Variants in KIF26B observed in about 807,000 individuals in gnomAD.
KIF26B encodes the protein kinesin family member 26B.
KIF26B carries 63 observed loss-of-function variants against 151.2 expected under a neutral mutation model. That is an observed-to-expected ratio of 0.42 (90% CI 0.34 to 0.51). The LOEUF (loss-of-function observed/expected upper bound fraction) is 0.51. KIF26B is among the 20% of genes least tolerant of loss of function. The pLI is 0.07. For synonymous variants in KIF26B, 1,357 were observed against 1,262.1 expected (o/e 1.08, Z -1.59); for missense variants, 2,813 against 2,913.6 (o/e 0.97, Z 0.79).
At chr1:245,474,818 C>T (rs1256902433) in intron 4 of KIF26B, among the ~76,000 whole-genome samples, 1 of 151,846 alleles carries the variant, frequency 6.6e-6, no homozygotes, top group Admixed American at 6.6e-5. Flanking sequence ...CTGGTAACCA[C>T]CCATCTACTC....
chr1:245,223,658 T>C (rs1161203068), intron 2 of KIF26B, among the ~76,000 whole-genome samples: 1 of 152,240 alleles, frequency 6.6e-6, no homozygotes, highest in African/African-American at 2.4e-5. Context: ...CTGAGACTTC[T>C]TTCACTCCAT....
chr1:245,702,535 A>C lies in KIF26B; in HGVS notation c.6256A>C (p.Ser2086Arg). ...ALECVTERLESRVNFCKAHLM... is the reference protein window; with the variant it reads ...ALECVTERLERRVNFCKAHLM... ...GGAGTGTGTGACGGAGCGCCTGGAG[A>C]GCCGTGTCAACTTCTGCAAGGCCCA... Residue 2086 changes from serine (S) to arginine (R), a missense_variant, in exon 15 of 15, where the codon AGC becomes CGC. Around this residue, in one of 3 missense-constraint regions of KIF26B, gnomAD observed 2,060 missense variants for 2,088.6 expected, o/e 0.99. Transcript: ENST00000407071. This position sits in a 1 kb window ranked among gnomAD's most constrained non-coding sequence, Gnocchi z 4.1. 3 of 1,613,822 alleles carry C rather than the reference A, an allele frequency of 1.9e-6. No individual in the cohort carries two copies. The highest frequency in any genetic ancestry group is 2.5e-6 in the Non-Finnish European group (3 of 1,179,856).
intron 4 of KIF26B, among the ~76,000 whole-genome samples, chr1:245,438,461 A>G (rs968287409): frequency 6.6e-6 from 1 of 152,234 alleles, no homozygotes; most frequent in Non-Finnish European, 1.5e-5. Context: ...TGATTTTTAG[A>G]GAACCTTGAA....
At chr1:245,213,004 C>T (rs931705961) in intron 2 of KIF26B, among the ~76,000 whole-genome samples, 1 of 152,188 alleles carries the variant, frequency 6.6e-6, no homozygotes, top group African/African-American at 2.4e-5. Context: ...CATTTCTAGG[C>T]CTGTTGACCA....
chr1:245,458,957 A>ACTTGCATCAATGTTTGG (rs753780728), intron 4 of KIF26B, among the ~76,000 whole-genome samples: 104 of 152,236 alleles, frequency 6.8e-4, no homozygotes, highest in Non-Finnish European at 1.4e-3. Flanking sequence ...TGGGGTTATT[A>ACTTGCATCAATGTTTGG]CTTGCATCAA....
chr1:245,341,107 T>C (rs1672324040), intron 2 of KIF26B, among the ~76,000 whole-genome samples: 1 of 152,028 alleles, frequency 6.6e-6, no homozygotes, highest in Non-Finnish European at 1.5e-5. Flanking sequence ...TTGGGGTGAG[T>C]CTATACTGAA....
rs114193102 is a variant in KIF26B, at chr1:245,361,554, T to C, written c.466-5280T>C. 4.7e-3 allele frequency among the ~76,000 whole-genome samples: 710 copies of C among 152,298 alleles called. 5 individuals carry two copies. Among genetic ancestry groups the C allele is most frequent in the African/African-American group, 7.2e-3 (299 of 41,580 alleles). ...GTGGGCTTACAAAGCAGACTGGGAA[T>C]CACAATGACAAACCTTGGGTTCAGA... is the stretch of plus-strand genomic sequence containing the variant. On this transcript the variant is annotated intron_variant, in intron 2 of 14. Coordinates refer to ENST00000407071, the MANE Select transcript of KIF26B (RefSeq NM_018012.4).
chr1:245,640,122 G>GCTCTCTCTCTCT lies in KIF26B; in HGVS notation c.2099-5988_2099-5977dup, dbSNP rs376565844. Among the ~76,000 whole-genome samples, 292 of 53,914 alleles carry GCTCTCTCTCTCT rather than the reference G, an allele frequency of 5.4e-3. 37 individuals carry two copies. Among genetic ancestry groups the GCTCTCTCTCTCT allele is most frequent in the African/African-American group, 0.014 (191 of 13,294 alleles). 35.4% of individuals were successfully genotyped at this position (53,914 alleles called of 152,430 possible). ...CTCCTGTTTAGATCTACTAATATTT[G>GCTCTCTCTCTCT]CTCTCTCTCTCTCTCTCTCTCTATA... On this transcript the variant is annotated intron_variant, in intron 9 of 14. Transcript: ENST00000407071.
chr1:245,643,859 G>A (rs1169944745), intron 9 of KIF26B, among the ~76,000 whole-genome samples: 3 of 152,108 alleles, frequency 2.0e-5, no homozygotes, highest in African/African-American at 4.8e-5. Context: ...GAAATCTGCC[G>A]TCATCCTTAT....
intron 5 of KIF26B, among the ~76,000 whole-genome samples, chr1:245,547,877 T>C (rs10802220): frequency 0.41 from 61,815 of 152,016 alleles, 12,888 homozygotes; most frequent in East Asian, 0.5. Context: ...GGTTTGGTCC[T>C]GTAGCCCAGA....
chr1:245,454,212 C>T (rs935902004), intron 4 of KIF26B, among the ~76,000 whole-genome samples: 1 of 152,202 alleles, frequency 6.6e-6, no homozygotes, highest in Non-Finnish European at 1.5e-5. Flanking sequence ...CCTTATCTTT[C>T]CCTTTTGTCA....
intron 2 of KIF26B, among the ~76,000 whole-genome samples, chr1:245,252,182 G>C (rs1311405240): frequency 2.0e-5 from 3 of 151,222 alleles, no homozygotes; most frequent in African/African-American, 4.9e-5. Flanking sequence ...AGGCTGAGGT[G>C]GGAGAATCAC....
At chr1:245,333,333 A>T (rs1672151082) in intron 2 of KIF26B, among the ~76,000 whole-genome samples, 1 of 152,244 alleles carries the variant, frequency 6.6e-6, no homozygotes, top group Non-Finnish European at 1.5e-5. Flanking sequence ...AAGTCGAATC[A>T]GCCACAGTCA....
intron 2 of KIF26B, among the ~76,000 whole-genome samples, chr1:245,157,275 T>C (rs1668454752): frequency 6.6e-6 from 1 of 152,198 alleles, no homozygotes; most frequent in African/African-American, 2.4e-5. Flanking sequence ...AGCACACTGG[T>C]TCCTCCATAG....
chr1:245,569,861 CT>C (rs59682583), intron 5 of KIF26B, among the ~76,000 whole-genome samples: 20,372 of 116,772 alleles, frequency 0.17, 1,897 homozygotes, highest in Middle Eastern at 0.24. Context: ...TTTGGGCCTT[CT>C]TTTTTTTTTT....
intron 2 of KIF26B, among the ~76,000 whole-genome samples, chr1:245,270,654 T>C (rs1354027626): frequency 1.3e-5 from 2 of 152,148 alleles, no homozygotes; most frequent in African/African-American, 2.4e-5. Context: ...AGGAATTCCT[T>C]GTATATTTTA....
In KIF26B at chr1:245,159,615, A is replaced by G. The variant is rs116542405; in HGVS notation, c.465+2932A>G. On this transcript the variant is annotated intron_variant, in intron 2 of 14. Coordinates refer to ENST00000407071, the MANE Select transcript of KIF26B (RefSeq NM_018012.4). ...GAATTTAAGGTTTTTCTTATAAGAT[A>G]TTACTCCTGTCAGTTTCTAATTTCA... Among the ~76,000 whole-genome samples, 928 of 152,328 alleles carry G rather than the reference A, an allele frequency of 6.1e-3. 8 individuals are homozygous for G. The highest frequency in any genetic ancestry group is 8.7e-3 in the South Asian group (42 of 4,824).
chr1:245,667,178 A>C lies in KIF26B; in HGVS notation c.2259-17055A>C, dbSNP rs1609835. ...CTTCCAGCCCAAGGCAGCATCGTCT[A>C]CTTTGGTTTTCTTTCTTTCTTTTTT... On this transcript the variant is annotated intron_variant, in intron 10 of 14. Coordinates refer to ENST00000407071, the MANE Select transcript of KIF26B (RefSeq NM_018012.4). This position sits in a 1 kb window ranked among gnomAD's most constrained non-coding sequence, Gnocchi z 4.3. Among the ~76,000 whole-genome samples the C allele has an allele frequency of 6.6e-6, 1 of 151,808 alleles. No homozygotes were observed. The highest frequency in any genetic ancestry group is 1.5e-5 in the Non-Finnish European group (1 of 67,962).
intron 2 of KIF26B, among the ~76,000 whole-genome samples, chr1:245,314,110 C>G (rs1671716112): frequency 6.6e-6 from 1 of 152,176 alleles, no homozygotes; most frequent in Non-Finnish European, 1.5e-5. Flanking sequence ...TGGCAAACCC[C>G]TTGGGGTCAG....
Sources: gnomAD v4.1 joint callset for allele counts (sites outside exome capture counted in the v4.1 genomes callset) on GRCh38, gnomAD v4.1.1 for gene constraint, gnomAD v4.1.1 regional missense constraint, Gnocchi (gnomAD v3.1) non-coding constraint, MANE v1.5 for transcripts, NCBI Gene and HGNC (gene_info 2026-07-23, HGNC 2026-07-21) for gene names.